TMEM266: variants seen among roughly 807,000 people sequenced by gnomAD.
TMEM266 encodes the protein Hv1 related protein 1.
Under a neutral mutation model 50.5 loss-of-function variants are expected in TMEM266, and 33 were observed. The ratio of observed to expected loss-of-function variants is 0.65; its 90% CI spans 0.50 to 0.87. The LOEUF is 0.87. TMEM266 is among the 40% of genes least tolerant of loss of function. TMEM266 has a pLI of 0.00. For missense variants in TMEM266, 655 were observed against 695.1 expected, an observed-to-expected ratio of 0.94 and a Z score of 0.65; for synonymous variants, 310 against 292.3, an observed-to-expected ratio of 1.06 and a Z score of -0.62.
At chr15:76,197,910 T>A (rs1347520863) in intron 9 of TMEM266, among the ~76,000 whole-genome samples, 2 of 152,206 alleles carry the variant, frequency 1.3e-5, no homozygotes, top group African/African-American at 4.8e-5. Flanking sequence ...ACCCAAGGGG[T>A]AAAACCCACA....
chr15:76,169,182 A>G (rs767805691), intron 5 of TMEM266, among the ~76,000 whole-genome samples: 58 of 152,064 alleles, frequency 3.8e-4, no homozygotes, highest in Non-Finnish European at 7.2e-4. Context: ...GCACAACCTA[A>G]AAGTTGTACT....
intron 1 of TMEM266, among the ~76,000 whole-genome samples, chr15:76,102,305 T>C (rs2037012255): frequency 6.6e-6 from 1 of 152,170 alleles, no homozygotes. Context: ...CATAAATAAT[T>C]ATCATAAAAT....
At chr15:76,103,403 G>C (rs984343856) in intron 1 of TMEM266, among the ~76,000 whole-genome samples, 5 of 152,068 alleles carry the variant, frequency 3.3e-5, no homozygotes, top group Non-Finnish European at 5.9e-5. Flanking sequence ...GGGAGGCTGA[G>C]GTGGGAGGAT....
At chr15:76,094,909 G>A (rs547915887) in intron 1 of TMEM266, among the ~76,000 whole-genome samples, 2 of 151,516 alleles carry the variant, frequency 1.3e-5, no homozygotes, top group African/African-American at 4.8e-5. Flanking sequence ...TGACTTGGCT[G>A]TGTTTGTCTG....
chr15:76,061,208 AC>A (rs1350675906), intron 1 of TMEM266, among the ~76,000 whole-genome samples: 1 of 152,240 alleles, frequency 6.6e-6, no homozygotes, highest in African/African-American at 2.4e-5. Context: ...TGATAGCTGA[AC>A]CGTAATTGCT....
intron 3 of TMEM266, among the ~76,000 whole-genome samples, chr15:76,150,592 G>A (rs1048200787): frequency 1.4e-4 from 22 of 152,264 alleles, no homozygotes; most frequent in South Asian, 4.1e-4. Context: ...CTGCCACCAC[G>A]TGTCCTCCCA....
intron 3 of TMEM266, among the ~76,000 whole-genome samples, chr15:76,151,534 T>C (rs2037842960): frequency 6.6e-6 from 1 of 151,954 alleles, no homozygotes; most frequent in Non-Finnish European, 1.5e-5. Context: ...GTGTTTCTGC[T>C]CTTCAGGAAG....
At chr15:76,099,066 G>A (rs144517955) in intron 1 of TMEM266, among the ~76,000 whole-genome samples, 2,628 of 152,264 alleles carry the variant, frequency 0.017, 77 homozygotes, top group African/African-American at 0.06. Flanking sequence ...CCTGGCTTCA[G>A]CACCCCTTTC....
At chr15:76,150,859 A>C (rs1465776600) in intron 3 of TMEM266, among the ~76,000 whole-genome samples, 1 of 152,174 alleles carries the variant, frequency 6.6e-6, no homozygotes, top group Non-Finnish European at 1.5e-5. Flanking sequence ...TTGTCAGTTC[A>C]TTTTCATATT....
At chr15:76,128,749 C>T (rs2037460523) in intron 1 of TMEM266, among the ~76,000 whole-genome samples, 1 of 152,164 alleles carries the variant, frequency 6.6e-6, no homozygotes, top group Non-Finnish European at 1.5e-5. Context: ...GCTTATTGTC[C>T]ATCTAAATAT....
At chr15:76,156,574 C>G in intron 3 of TMEM266, 30 bp from the exon 4 acceptor site, 1 of 1,611,126 alleles carries the variant, frequency 6.2e-7, no homozygotes, top group Non-Finnish European at 8.5e-7. Flanking sequence ...CCACTCTGAG[C>G]CTCTCTTCTC....
intron 1 of TMEM266, among the ~76,000 whole-genome samples, chr15:76,077,893 T>C (rs76289065): frequency 0.027 from 4,063 of 152,074 alleles, 231 homozygotes; most frequent in African/African-American, 0.093. Flanking sequence ...GAAACTAATA[T>C]AGATGGTATT....
intron 1 of TMEM266, among the ~76,000 whole-genome samples, chr15:76,064,600 G>A (rs1348964559): frequency 9.9e-5 from 15 of 152,176 alleles, no homozygotes; most frequent in Non-Finnish European, 1.5e-5. Context: ...TTTAATTGCT[G>A]CCCTAGGCAG....
At position 76,204,377 on chromosome 15, in the gene TMEM266, T is replaced by G. The variant is rs541474295; in HGVS notation, c.*62T>G. The G allele has an allele frequency of 1.4e-4, 210 of 1,476,410 alleles. No individual in the cohort carries two copies. The African/African-American group carries it at 2.6e-3, about 18-fold the overall frequency. 91.5% of individuals were successfully genotyped at this position (1,476,410 alleles called of 1,614,324 possible). ...CCATCTCAAAGCTCTCCTGGGACCCTGGAGGCTGCCAAGGGCCACACGCGG... is the reference window on the plus strand; with the variant it reads ...CCATCTCAAAGCTCTCCTGGGACCCGGGAGGCTGCCAAGGGCCACACGCGG... On this transcript the variant is annotated 3_prime_UTR_variant, in exon 11 of 11. Transcript: ENST00000388942.
chr15:76,200,670 G>C (rs527354245), intron 9 of TMEM266, among the ~76,000 whole-genome samples: 1 of 152,306 alleles, frequency 6.6e-6, no homozygotes, highest in South Asian at 2.1e-4. Flanking sequence ...AGGGCCTGGG[G>C]GTCCTGAGCC....
chr15:76,130,446 C>A (rs1053248639), intron 1 of TMEM266, among the ~76,000 whole-genome samples: 2 of 152,050 alleles, frequency 1.3e-5, no homozygotes, highest in Non-Finnish European at 1.5e-5. Context: ...GAGGCTGAGG[C>A]AAAAGAATTG....
chr15:76,094,280 G>A (rs1469634218), intron 1 of TMEM266, among the ~76,000 whole-genome samples: 11 of 151,996 alleles, frequency 7.2e-5, no homozygotes, highest in Admixed American at 5.2e-4. Flanking sequence ...TCCATGTTGA[G>A]TTGATTTTTC....
Position 76,153,775 on chromosome 15 carries a change from C to T in TMEM266, c.228-2829C>T, listed in dbSNP as rs894308522. 2.6e-5 allele frequency among the ~76,000 whole-genome samples: 4 copies of T among 151,980 alleles called. No individual in the cohort carries two copies. The highest frequency in any genetic ancestry group is 4.8e-5 in the African/African-American group (2 of 41,348). On this transcript the variant is annotated intron_variant, in intron 3 of 10. Transcript: ENST00000388942. This position sits in a 1 kb window ranked among gnomAD's most constrained non-coding sequence, Gnocchi z 4.2. Reference sequence around the variant, plus strand: ...AAGAAGCAGGGGGAGTAGGTGAGGCCGGAAGGAAGAATCAGGAGGTGAGGA... The same window carrying T: ...AAGAAGCAGGGGGAGTAGGTGAGGCTGGAAGGAAGAATCAGGAGGTGAGGA...
intron 1 of TMEM266, among the ~76,000 whole-genome samples, chr15:76,128,675 A>G (rs931195861): frequency 6.6e-6 from 1 of 152,240 alleles, no homozygotes; most frequent in African/African-American, 2.4e-5. Context: ...CCATCGTCAT[A>G]GGGAATTTTG....
Sources: allele counts gnomAD v4.1 joint callset (sites outside exome capture counted in the v4.1 genomes callset), GRCh38; gene constraint gnomAD v4.1.1; non-coding constraint Gnocchi (gnomAD v3.1); transcripts MANE v1.5; gene names NCBI Gene and HGNC (gene_info 2026-07-23, HGNC 2026-07-21).